MYBPH: variants seen among roughly 807,000 people sequenced by gnomAD.
MYBPH encodes myosin binding protein H.
In MYBPH, 49 loss-of-function variants were observed where a neutral mutation model predicts 53.6. The ratio of observed to expected loss-of-function variants is 0.91; its 90% CI spans 0.73 to 1.16. The LOEUF is 1.16. Among genes scored for constraint, MYBPH ranks in the 50% most tolerant of loss-of-function variants. The pLI is 0.00. For synonymous variants in MYBPH, 239 were observed against 249.6 expected, an observed-to-expected ratio of 0.96 and a Z score of 0.40; for missense variants, 558 against 624.1, an observed-to-expected ratio of 0.89 and a Z score of 1.13.
At chr1:203,174,645 G>T in intron 2 of MYBPH, 48 bp from the exon 3 acceptor site, 1 of 1,469,994 alleles carries the variant, frequency 6.8e-7, no homozygotes, top group Non-Finnish European at 9.1e-7. Context: ...GGCCACAGGC[G>T]CCCCTCTCCA....
Position 203,170,392 on chromosome 1 carries a change from A to G in MYBPH, c.992T>C (p.Ile331Thr), listed in dbSNP as rs773741103. Residue 331 changes from isoleucine to threonine, a missense_variant, in exon 7 of 11, where the codon ATC becomes ACC. Physicochemically the swap from Ile to Thr is moderately conservative, Grantham distance 89 (BLOSUM62 -1). Coordinates refer to ENST00000255416, the MANE Select transcript of MYBPH (RefSeq NM_004997.3). ...CCGGAAGGAGTACGAGTTGCCGATG[A>G]TGAGGTCAGAGATGGTGCAGGTGGT... ...HPTTCTISDL[I>T]IGNSYSFRVF... 1.2e-6 allele frequency: 2 copies of G among 1,614,178 alleles called. No individual in the cohort carries two copies. The highest frequency in any genetic ancestry group is 1.1e-5 in the South Asian group (1 of 91,078).
chr1:203,168,438 C>A (rs188774674), intron 10 of MYBPH, among the ~76,000 whole-genome samples, 189 bp downstream of exon 10: 3 of 152,294 alleles, frequency 2.0e-5, no homozygotes, highest in African/African-American at 4.8e-5. Flanking sequence ...CAGGAGACAC[C>A]GGCATCGCCT....
chr1:203,175,294 C>G, intron 2 of MYBPH, 33 bp downstream of exon 2: 1 of 1,512,058 alleles, frequency 6.6e-7, no homozygotes, highest in South Asian at 1.4e-5. Context: ...ACAACCTCCC[C>G]TGGGTGTATG....
Position 203,174,570 on chromosome 1 carries a change from C to T in MYBPH, c.368G>A (p.Arg123Gln), listed in dbSNP as rs148261586. The change falls in exon 3 of 11, where the codon CGG becomes CAG. Residue 123 changes from arginine to glutamine, a missense_variant. Arg to Gln is a conservative substitution (Grantham distance 43). Transcript: ENST00000255416. ...GASEWVPVSA[R>Q]PMMVTQQTVR... ...AGTCTGCTGGGTCACCATCATGGGC[C>T]GGGCACTCACAGGCACCCACTCCGA... is the stretch of plus-strand genomic sequence containing the variant. The T allele has an allele frequency of 1.4e-4, 231 of 1,607,448 alleles. 1 individual carries two copies. Among genetic ancestry groups the T allele is most frequent in the African/African-American group, 1.3e-4 (10 of 74,782 alleles).
rs1431366920 is a variant in MYBPH, at chr1:203,171,055, C to G, written c.933+6G>C. On this transcript the variant is annotated splice_donor_region_variant and intron_variant, in intron 6 of 10. Transcript: ENST00000255416. This position sits in a 1 kb window ranked among gnomAD's most constrained non-coding sequence, Gnocchi z 4.2. Reference sequence around the variant, plus strand: ...CCCGACCCCACTTTGCCTCAGCCAGCCTCACCCCTGTCTTTTTGTCTGCCT... The same window carrying G: ...CCCGACCCCACTTTGCCTCAGCCAGGCTCACCCCTGTCTTTTTGTCTGCCT... 2.5e-6 allele frequency: 4 copies of G among 1,578,630 alleles called. No homozygotes were observed. In the African/African-American group the frequency reaches 5.4e-5, roughly 21 times the overall value.
upstream of MYBPH, among the ~76,000 whole-genome samples, chr1:203,176,177 G>A (rs959655678): frequency 6.6e-6 from 1 of 152,202 alleles, no homozygotes; most frequent in Non-Finnish European, 1.5e-5. Context: ...CGTCTATGGG[G>A]CCACTTGTTC....
chr1:203,176,642 A>G (rs898911208), upstream of MYBPH, among the ~76,000 whole-genome samples: 1 of 152,194 alleles, frequency 6.6e-6, no homozygotes, highest in African/African-American at 2.4e-5. Context: ...CAGTGTGCCA[A>G]AGGAGGCAGA....
At chr1:203,178,432 C>T (rs1218029812), upstream of MYBPH, among the ~76,000 whole-genome samples, 1 of 152,182 alleles carries the variant, frequency 6.6e-6, no homozygotes, top group African/African-American at 2.4e-5. Flanking sequence ...GCTGGAGGGC[C>T]ATCTCTCAAG....
upstream of MYBPH, among the ~76,000 whole-genome samples, chr1:203,177,621 T>G (rs903359): frequency 0.87 from 132,470 of 152,172 alleles, 57,928 homozygotes; most frequent in South Asian, 0.92. Context: ...TCCTGGAGAC[T>G]GGATCTCCAT....
At chr1:203,169,569 A>T (rs1415213839) in intron 7 of MYBPH, among the ~76,000 whole-genome samples, 180 bp from the exon 8 acceptor site, 4 of 152,216 alleles carry the variant, frequency 2.6e-5, no homozygotes, top group Non-Finnish European at 5.9e-5. Flanking sequence ...GGTGATGAGT[A>T]GAGATGAGAA....
At chr1:203,174,012 C>T (rs748965913) in intron 3 of MYBPH, among the ~76,000 whole-genome samples, 12 of 152,214 alleles carry the variant, frequency 7.9e-5, no homozygotes, top group South Asian at 2.1e-4. Flanking sequence ...GGGCAAGCAG[C>T]GCCTTCTCTC....
chr1:203,170,344 C>T lies in MYBPH; in HGVS notation c.1040G>A (p.Gly347Glu). The T allele has an allele frequency of 6.2e-7, 1 of 1,614,164 alleles. No homozygotes were observed. Among genetic ancestry groups the T allele is most frequent in the South Asian group, 1.1e-5 (1 of 91,076 alleles). ...SFRVFSENLC[G>E]LSTSATVTKE... Reference sequence around the variant, plus strand: ...GGTGACGGTGGCCGAGGTGCTGAGTCCACACAGGTTTTCTGAGAAGACCCG... The same window carrying T: ...GGTGACGGTGGCCGAGGTGCTGAGTTCACACAGGTTTTCTGAGAAGACCCG... The change falls in exon 7 of 11, where the codon GGA becomes GAA. Residue 347 changes from glycine to glutamate, a missense_variant. Coordinates refer to ENST00000255416, the MANE Select transcript of MYBPH (RefSeq NM_004997.3).
chr1:203,169,003 C>T lies in MYBPH; in HGVS notation c.1320G>A (p.Glu440=). The T allele has an allele frequency of 1.2e-6, 2 of 1,613,936 alleles. No homozygotes were observed. Among genetic ancestry groups the T allele is most frequent in the Non-Finnish European group, 8.5e-7 (1 of 1,180,018 alleles). Residue 440 remains glutamate, a synonymous_variant, in exon 9 of 11, where the codon GAG becomes GAA. Coordinates refer to ENST00000255416, the MANE Select transcript of MYBPH (RefSeq NM_004997.3). Reference sequence around the variant, plus strand: ...AATCAAAGGGGCTGGGTTTCCGGATCTCTAGGGTGCAGACGCCTTGCTCAG... The same window carrying T: ...AATCAAAGGGGCTGGGTTTCCGGATTTCTAGGGTGCAGACGCCTTGCTCAG... ...ALSEQGVCTL[E]IRKPSPFDSG...
At chr1:203,168,196 G>A in intron 10 of MYBPH, 105 bp from the exon 11 acceptor site, 1 of 233,476 alleles carries the variant, frequency 4.3e-6, no homozygotes, top group Non-Finnish European at 8.5e-6. Context: ...TCCTCACCAG[G>A]CCTCCCTCCC....
At chr1:203,177,833 G>A (rs1403003446), upstream of MYBPH, among the ~76,000 whole-genome samples, 1 of 152,206 alleles carries the variant, frequency 6.6e-6, no homozygotes, top group African/African-American at 2.4e-5. Flanking sequence ...GGAATACTTG[G>A]CCCCACCAGC....
At position 203,175,361 on chromosome 1, in the gene MYBPH, G is replaced by A. The variant is rs187993765; in HGVS notation, c.306C>T (p.Leu102=). ...TGCAGAGCTCCAGCACATAGCCCTG[G>A]AGGCCCAGCCTCCCCAGCCTCTCTG... ...EPPERLGRLG[L]QGYVLELCRE... The change falls in exon 2 of 11, where the codon CTC becomes CTT. Residue 102 remains leucine (L), a synonymous_variant. Transcript: ENST00000255416. The A allele has an allele frequency of 2.5e-4, 379 of 1,527,212 alleles. 4 individuals carry two copies. The East Asian group carries it at 4.6e-3, about 19-fold the overall frequency. 94.6% of individuals were successfully genotyped at this position (1,527,212 alleles called of 1,614,324 possible). A position where few individuals can be genotyped will look rare whatever the true frequency, so the allele number is the denominator to read the frequency against.
At chr1:203,176,451 C>T (rs1655811452), upstream of MYBPH, among the ~76,000 whole-genome samples, 1 of 152,180 alleles carries the variant, frequency 6.6e-6, no homozygotes, top group South Asian at 2.1e-4. Flanking sequence ...AGTTGGGCGG[C>T]TGGTAAGGAG....
intron 8 of MYBPH, 76 bp downstream of exon 8, chr1:203,169,177 G>A (rs937742156): frequency 5.7e-6 from 9 of 1,577,462 alleles, no homozygotes; most frequent in East Asian, 2.2e-5. Context: ...AGGTGTGGAC[G>A]CCCGGAGGAT....
upstream of MYBPH, among the ~76,000 whole-genome samples, chr1:203,177,596 C>T (rs1339392050): frequency 6.6e-6 from 1 of 152,198 alleles, no homozygotes; most frequent in Admixed American, 6.5e-5. Flanking sequence ...CACGTCTTGC[C>T]AGGCAGGGAG....
Sources: allele counts gnomAD v4.1 joint callset (sites outside exome capture counted in the v4.1 genomes callset), GRCh38; gene constraint gnomAD v4.1.1; non-coding constraint Gnocchi (gnomAD v3.1); transcripts MANE v1.5; gene names NCBI Gene and HGNC (gene_info 2026-07-23, HGNC 2026-07-21).